Variants in PTPRD observed in about 807,000 individuals in gnomAD.
The protein encoded by PTPRD is protein tyrosine phosphatase receptor type D.
PTPRD carries 34 observed loss-of-function variants against 214.5 expected under a neutral mutation model. That is an observed-to-expected ratio of 0.16 (90% CI 0.12 to 0.21). PTPRD has a LOEUF of 0.21. PTPRD is among the 10% of genes least tolerant of loss of function. PTPRD has a pLI of 1.00. For missense variants in PTPRD, 2,545 were observed against 2,398.7 expected, an observed-to-expected ratio of 1.06 and a Z score of -1.27; for synonymous variants, 1,128 against 845.7, an observed-to-expected ratio of 1.33 and a Z score of -5.79.
At chr9:10,241,559 T>G (rs943500184) in intron 3 of PTPRD, among the ~76,000 whole-genome samples, 3 of 151,914 alleles carry the variant, frequency 2.0e-5, no homozygotes, top group South Asian at 2.1e-4. Flanking sequence ...ACACGGGTAA[T>G]TCAAATAATG....
intron 5 of PTPRD, among the ~76,000 whole-genome samples, chr9:9,831,759 T>C (rs1453080158): frequency 6.6e-6 from 1 of 151,956 alleles, no homozygotes; most frequent in Non-Finnish European, 1.5e-5. Flanking sequence ...ATTTTGAAAA[T>C]CAGTAAATCT....
intron 6 of PTPRD, among the ~76,000 whole-genome samples, chr9:9,753,185 G>T (rs1043074651): frequency 2.0e-5 from 3 of 151,774 alleles, no homozygotes; most frequent in Non-Finnish European, 4.4e-5. Flanking sequence ...TTTCCCCAAG[G>T]ACATCACTAC....
rs2096769022 is a variant in PTPRD, at chr9:9,513,795, C to T, written c.-237+60937G>A. 2.6e-5 allele frequency among the ~76,000 whole-genome samples: 4 copies of T among 151,944 alleles called. No homozygotes were observed. The South Asian group carries it at 8.3e-4, about 31-fold the overall frequency. ...AGAATAATGGGACCTCAATGATAGT[C>T]ATTGAAAGGGCAAAACTCTTGTTTA... On this transcript the variant is annotated intron_variant, in intron 8 of 45. Coordinates refer to ENST00000381196, the MANE Select transcript of PTPRD (RefSeq NM_002839.4).
intron 9 of PTPRD, among the ~76,000 whole-genome samples, chr9:9,290,062 T>C (rs1346375458): frequency 6.6e-6 from 1 of 151,768 alleles, no homozygotes; most frequent in African/African-American, 2.4e-5. Context: ...CATACCAATT[T>C]GTATTCCCAC....
chr9:9,454,789 A>T (rs551911945), intron 8 of PTPRD, among the ~76,000 whole-genome samples: 1 of 151,702 alleles, frequency 6.6e-6, no homozygotes, highest in East Asian at 1.9e-4. Flanking sequence ...TCAATACTAG[A>T]TGTTGGCAAA....
In PTPRD at chr9:8,668,369, C is replaced by A. The variant is rs75834956; in HGVS notation, c.65-31525G>T. Among the ~76,000 whole-genome samples, 188 of 152,284 alleles carry A rather than the reference C, an allele frequency of 1.2e-3. 1 individual carries two copies. Among genetic ancestry groups the A allele is most frequent in the African/African-American group, 4.3e-3 (178 of 41,566 alleles). ...TTCAATTTGCAAACTCAGCCAAACT[C>A]GACAGGTTTCATTCTAATTACATGC... is the stretch of plus-strand genomic sequence containing the variant. On this transcript the variant is annotated intron_variant, in intron 12 of 45. Coordinates refer to ENST00000381196, the MANE Select transcript of PTPRD (RefSeq NM_002839.4).
At chr9:10,427,229 A>AT (rs1466600763) in intron 2 of PTPRD, among the ~76,000 whole-genome samples, 1 of 152,026 alleles carries the variant, frequency 6.6e-6, no homozygotes. Context: ...TTATACTATC[A>AT]TTTTTTCTAT....
rs2133468591 is a variant in PTPRD, at chr9:8,449,797, T to A, written c.3916A>T (p.Asn1306Tyr). 3 of 1,614,078 alleles carry A rather than the reference T, an allele frequency of 1.9e-6. 1 individual carries two copies. The South Asian group carries it at 3.3e-5, about 18-fold the overall frequency. The change falls in exon 34 of 46, where the codon AAC (asparagine) becomes TAC (tyrosine). Residue 1306 changes from asparagine to tyrosine, a missense_variant. Physicochemically the swap from Asn to Tyr is moderately radical, Grantham distance 143. Coordinates refer to ENST00000381196, the MANE Select transcript of PTPRD (RefSeq NM_002839.4). ...ESDSRKSSIP[N>Y]NKEIPSHHPT... Reference sequence around the variant, plus strand: ...TGGTGTGAAGGGATCTCCTTATTGTTCGGTATGCTGCTTTTTCTAGAGTCG... The same window carrying A: ...TGGTGTGAAGGGATCTCCTTATTGTACGGTATGCTGCTTTTTCTAGAGTCG...
intron 2 of PTPRD, among the ~76,000 whole-genome samples, chr9:10,425,846 T>C (rs1237063514): frequency 1.3e-5 from 2 of 151,970 alleles, no homozygotes; most frequent in Non-Finnish European, 1.5e-5. Flanking sequence ...ACACATGCTG[T>C]ACATGTGATT....
intron 7 of PTPRD, among the ~76,000 whole-genome samples, chr9:9,593,336 G>A (rs963076718): frequency 1.3e-5 from 2 of 151,334 alleles, no homozygotes; most frequent in Admixed American, 1.3e-4. Flanking sequence ...ATTGCAGAAG[G>A]AGTAAGAAAT....
At chr9:9,805,378 G>A (rs921740768) in intron 5 of PTPRD, among the ~76,000 whole-genome samples, 6 of 152,024 alleles carry the variant, frequency 3.9e-5, no homozygotes, top group African/African-American at 1.4e-4. Context: ...TTAAGTGACC[G>A]GTTAGGAAGC....
intron 10 of PTPRD, among the ~76,000 whole-genome samples, chr9:9,034,970 CT>C (rs2099616913): frequency 6.6e-6 from 1 of 152,096 alleles, no homozygotes; most frequent in African/African-American, 2.4e-5. Context: ...ATTCAGAATT[CT>C]CATCTCTTTG....
chr9:9,104,822 CAG>C (rs1197423551), intron 10 of PTPRD, among the ~76,000 whole-genome samples: 1 of 152,152 alleles, frequency 6.6e-6, no homozygotes, highest in Non-Finnish European at 1.5e-5. Context: ...ACTCGGGAAA[CAG>C]GGGAGTTCGA....
intron 2 of PTPRD, among the ~76,000 whole-genome samples, chr9:10,435,298 C>T (rs1282925941): frequency 1.3e-5 from 2 of 151,868 alleles, no homozygotes; most frequent in Non-Finnish European, 2.9e-5. Context: ...GTCTTTACAA[C>T]ATTGTAATAA....
At chr9:8,664,155 A>G (rs902428069) in intron 12 of PTPRD, among the ~76,000 whole-genome samples, 3 of 152,202 alleles carry the variant, frequency 2.0e-5, no homozygotes, top group South Asian at 2.1e-4. Context: ...CTTTCACTAG[A>G]AACTTGAAGA....
intron 11 of PTPRD, among the ~76,000 whole-genome samples, chr9:8,831,129 GA>G (rs1566441233): frequency 6.6e-6 from 1 of 152,080 alleles, no homozygotes; most frequent in East Asian, 1.9e-4. Flanking sequence ...TGAGACTCAG[GA>G]AAAGGGTTTT....
At chr9:9,340,164 T>C (rs1011313208) in intron 9 of PTPRD, among the ~76,000 whole-genome samples, 3 of 152,094 alleles carry the variant, frequency 2.0e-5, no homozygotes, top group African/African-American at 7.2e-5. Flanking sequence ...TACTGACTGA[T>C]GGGGATGACT....
intron 3 of PTPRD, among the ~76,000 whole-genome samples, chr9:10,273,591 A>G (rs1014888774): frequency 6.6e-6 from 1 of 152,168 alleles, no homozygotes; most frequent in African/African-American, 2.4e-5. Flanking sequence ...TCCTAAGTGT[A>G]TATCAGAATT....
chr9:9,139,182 T>C (rs1184494181), intron 10 of PTPRD, among the ~76,000 whole-genome samples: 1 of 147,590 alleles, frequency 6.8e-6, no homozygotes, highest in Non-Finnish European at 1.5e-5. Flanking sequence ...TTCTGAACCC[T>C]ATATTTACTA....
Sources: gnomAD v4.1 joint callset for allele counts (sites outside exome capture counted in the v4.1 genomes callset) on GRCh38, gnomAD v4.1.1 for gene constraint, MANE v1.5 for transcripts, NCBI Gene and HGNC (gene_info 2026-07-23, HGNC 2026-07-21) for gene names.